Variants in NADK2 observed in about 807,000 individuals in gnomAD.
The protein encoded by NADK2 is NAD kinase domain-containing protein 1, mitochondrial.
A neutral mutation model predicts 62.1 loss-of-function variants in NADK2; 35 were observed. The ratio of observed to expected loss-of-function variants is 0.56; its 90% CI spans 0.43 to 0.75. The LOEUF (loss-of-function observed/expected upper bound fraction) is 0.75. NADK2 is among the 30% of genes least tolerant of loss of function. NADK2 has a pLI of 0.00. For missense variants in NADK2, 439 were observed against 561.3 expected (o/e 0.78, Z 2.20); for synonymous variants, 205 against 207.9 (o/e 0.99, Z 0.12).
At chr5:36,216,500 C>A (rs578172370) in intron 6 of NADK2, among the ~76,000 whole-genome samples, 173 of 152,130 alleles carry the variant, frequency 1.1e-3, no homozygotes, top group African/African-American at 3.9e-3. Context: ...CCTAGACCAA[C>A]GTGCTGAATA....
rs1218760109 is a variant in NADK2 at position 36,192,963 on chromosome 5, A to G, written c.*2181T>C. Reference sequence around the variant, plus strand: ...TCAAACACATTTTTGCTATGCTAACATTCCTTTGCCTCTTATTCTTACAAA... The same window carrying G: ...TCAAACACATTTTTGCTATGCTAACGTTCCTTTGCCTCTTATTCTTACAAA... On this transcript the variant is annotated 3_prime_UTR_variant, in exon 12 of 12. Transcript: ENST00000381937. 6.6e-6 allele frequency: 1 copy of G among 152,232 alleles called. No homozygotes were observed. The highest frequency in any genetic ancestry group is 1.5e-5 in the Non-Finnish European group (1 of 68,032). 9.4% of individuals were successfully genotyped at this position (152,232 alleles called of 1,614,324 possible).
intron 7 of NADK2, among the ~76,000 whole-genome samples, chr5:36,211,549 A>G (rs912672343): frequency 4.6e-5 from 2 of 43,854 alleles, no homozygotes; most frequent in Non-Finnish European, 1.4e-4. Flanking sequence ...AGTGAGACTC[A>G]GTCTCAAAAA....
chr5:36,238,459 T>C (rs1747989005), intron 1 of NADK2, among the ~76,000 whole-genome samples: 1 of 152,216 alleles, frequency 6.6e-6, no homozygotes. Flanking sequence ...GACTTCTTAT[T>C]TGTTCTACAT....
intron 3 of NADK2, among the ~76,000 whole-genome samples, chr5:36,225,838 A>T (rs1216247589): frequency 6.6e-6 from 1 of 152,194 alleles, no homozygotes; most frequent in African/African-American, 2.4e-5. Flanking sequence ...TAGGCAGAAT[A>T]ATTCTTTGTT....
chr5:36,217,643 T>C (rs1314674844), intron 6 of NADK2, 105 bp downstream of exon 6: 3 of 1,232,608 alleles, frequency 2.4e-6, no homozygotes, highest in African/African-American at 1.7e-5. Context: ...TTAAGTGCTA[T>C]TAATGACACT....
At position 36,205,194 on chromosome 5, in the gene NADK2, A is replaced by G. The variant is rs1287905784; in HGVS notation, c.956+1976T>C. On this transcript the variant is annotated intron_variant, in intron 8 of 11. Transcript: ENST00000381937. This position sits in a 1 kb window ranked among gnomAD's most constrained non-coding sequence, Gnocchi z 4.1. ...TTGCTTTAACTAGCTGGGTACTAGC[A>G]TATTAGATAACTAATAATGTAATAG... is the stretch of plus-strand genomic sequence containing the variant. Among the ~76,000 whole-genome samples, 1 of 152,162 alleles carries G rather than the reference A, an allele frequency of 6.6e-6. No homozygotes were observed. The highest frequency in any genetic ancestry group is 1.5e-5 in the Non-Finnish European group (1 of 68,002).
chr5:36,228,695 T>C (rs1047377143), intron 1 of NADK2, among the ~76,000 whole-genome samples: 6 of 151,880 alleles, frequency 4.0e-5, no homozygotes, highest in South Asian at 4.2e-4. Flanking sequence ...CTCAGCTTAC[T>C]GCAACCTCTG....
intron 8 of NADK2, 40 bp downstream of exon 8, chr5:36,207,130 A>C: frequency 1.3e-6 from 2 of 1,517,082 alleles, no homozygotes; most frequent in African/African-American, 2.7e-5. Context: ...TACTAAAAGT[A>C]TTTCACAAAA....
intron 7 of NADK2, among the ~76,000 whole-genome samples, chr5:36,211,632 A>T (rs1479534827): frequency 6.6e-6 from 1 of 152,182 alleles, no homozygotes; most frequent in Admixed American, 6.5e-5. Context: ...TATTTAATCT[A>T]GGGTTTCACA....
intron 8 of NADK2, among the ~76,000 whole-genome samples, chr5:36,202,101 T>C (rs1746472365): frequency 6.6e-6 from 1 of 151,972 alleles, no homozygotes; most frequent in South Asian, 2.1e-4. Context: ...GGAGTGAGAG[T>C]AAGAGATACT....
At chr5:36,229,180 T>C (rs1181309565) in intron 1 of NADK2, among the ~76,000 whole-genome samples, 1 of 119,970 alleles carries the variant, frequency 8.3e-6, no homozygotes, top group East Asian at 2.2e-4. Flanking sequence ...AGTTTTTAAA[T>C]AGTTTTGTCC....
In NADK2 at chr5:36,227,488, TATA is replaced by T. The variant is rs1254303255; in HGVS notation, c.375_377del (p.Ile126del). On this transcript the variant is annotated inframe_deletion, in exon 2 of 12. Coordinates refer to ENST00000381937, the MANE Select transcript of NADK2 (RefSeq NM_001085411.3). ...TCCCATAGACTTACCGTAAACTATC[TATA>T]ATATGTTCTACATTTTTGGTGTGAA... 5.2e-6 allele frequency: 8 copies of T among 1,523,898 alleles called. No individual in the cohort carries two copies. Among genetic ancestry groups the T allele is most frequent in the Non-Finnish European group, 7.1e-6 (8 of 1,133,432 alleles). The allele number at this position is 1,523,898 out of a possible 1,614,324, so 94.4% of individuals were successfully genotyped here. A position where few individuals can be genotyped will look rare whatever the true frequency, so the allele number is the denominator to read the frequency against.
chr5:36,204,181 AG>A (rs1746551556), intron 8 of NADK2, among the ~76,000 whole-genome samples: 3 of 152,220 alleles, frequency 2.0e-5, no homozygotes, highest in African/African-American at 7.2e-5. Context: ...AGTACAAAGT[AG>A]CAGGGGCTAT....
intron 6 of NADK2, among the ~76,000 whole-genome samples, chr5:36,214,125 G>C (rs776545099): frequency 6.6e-6 from 1 of 151,980 alleles, no homozygotes; most frequent in African/African-American, 2.4e-5. Context: ...TCTAATCACA[G>C]AACTGTGTTC....
At chr5:36,217,171 T>C (rs1396075854) in intron 6 of NADK2, among the ~76,000 whole-genome samples, 1 of 152,132 alleles carries the variant, frequency 6.6e-6, no homozygotes, top group African/African-American at 2.4e-5. Context: ...ATTTAAGATT[T>C]CTCTTGGGAT....
At chr5:36,213,501 A>G (rs1388613791) in intron 6 of NADK2, among the ~76,000 whole-genome samples, 2 of 151,586 alleles carry the variant, frequency 1.3e-5, no homozygotes, top group East Asian at 1.9e-4. Flanking sequence ...TCTTTCAAAT[A>G]TAACAAGTTG....
chr5:36,219,779 G>A (rs1747195723), intron 4 of NADK2, 100 bp from the exon 5 acceptor site: 10 of 849,538 alleles, frequency 1.2e-5, no homozygotes, highest in Non-Finnish European at 1.9e-5. Flanking sequence ...ATAAAAATAA[G>A]AAATGAAATT....
At chr5:36,236,867 C>CAAAAAAA (rs5867308) in intron 1 of NADK2, among the ~76,000 whole-genome samples, 1 of 95,704 alleles carries the variant, frequency 1.0e-5, no homozygotes. Context: ...AGCTTAACCT[C>CAAAAAAA]AAAAAAAAAA....
intron 6 of NADK2, among the ~76,000 whole-genome samples, chr5:36,216,254 G>T (rs1214429236): frequency 6.6e-5 from 10 of 151,982 alleles, no homozygotes; most frequent in Admixed American, 6.6e-4. Context: ...CTTCTATTCA[G>T]AGACTTTCCC....
Sources: gnomAD v4.1 joint callset for allele counts (sites outside exome capture counted in the v4.1 genomes callset) on GRCh38, gnomAD v4.1.1 for gene constraint, Gnocchi (gnomAD v3.1) non-coding constraint, MANE v1.5 for transcripts, NCBI Gene and HGNC (gene_info 2026-07-23, HGNC 2026-07-21) for gene names.